TENM2: variants seen among roughly 807,000 people sequenced by gnomAD.
The protein encoded by TENM2 is teneurin transmembrane protein 2, also known as teneurin-2.
In TENM2, 52 loss-of-function variants were observed where a neutral mutation model predicts 245.2. The ratio of observed to expected loss-of-function variants is 0.21; its 90% CI spans 0.17 to 0.27. The LOEUF is 0.27. Among genes scored for constraint, TENM2 ranks in the 10% least tolerant of loss-of-function variants. TENM2 has a pLI of 1.00. For synonymous variants in TENM2, 1,363 were observed against 1,438.9 expected (o/e 0.95, Z 1.19); for missense variants, 3,046 against 3,666.8 (o/e 0.83, Z 4.37).
chr5:167,188,094 A>G, the TENM2 span, among the ~76,000 whole-genome samples: 71 of 152,224 alleles, frequency 4.7e-4, no homozygotes, highest in African/African-American at 1.6e-3. Flanking sequence ...TAATTTATTC[A>G]TCCCAGCTCT....
At chr5:167,503,218 T>C (rs1252663250) in intron 2 of TENM2, among the ~76,000 whole-genome samples, 1 of 152,138 alleles carries the variant, frequency 6.6e-6, no homozygotes, top group Non-Finnish European at 1.5e-5. Flanking sequence ...TAATTCACTA[T>C]CCCACAATGC....
intron 2 of TENM2, among the ~76,000 whole-genome samples, chr5:167,419,098 T>TAC (rs986542720): frequency 6.6e-6 from 1 of 151,260 alleles, no homozygotes; most frequent in Non-Finnish European, 1.5e-5. Context: ...TATATGTATA[T>TAC]ACACACACAC....
In TENM2 at chr5:167,961,062, A is replaced by G. The variant is rs149943673; in HGVS notation, c.947+8240A>G. Among the ~76,000 whole-genome samples, 533 of 152,322 alleles carry G rather than the reference A, an allele frequency of 3.5e-3. 2 individuals carry two copies. Among genetic ancestry groups the G allele is most frequent in the African/African-American group, 0.011 (444 of 41,566 alleles). ...TAACCAGTCCTAGTGAGATGAGCCT[A>G]GTACTTCAGTTAGAAATGCAGAAAT... On this transcript the variant is annotated intron_variant, in intron 4 of 28. Transcript: ENST00000518659.
At chr5:167,733,086 T>C (rs1760550429) in intron 2 of TENM2, among the ~76,000 whole-genome samples, 2 of 150,920 alleles carry the variant, frequency 1.3e-5, no homozygotes. Flanking sequence ...CAGGAGCATC[T>C]CCTCAATAGG....
chr5:167,385,522 C>A (rs1235808714), intron 2 of TENM2, among the ~76,000 whole-genome samples: 1 of 144,202 alleles, frequency 6.9e-6, no homozygotes, highest in Non-Finnish European at 1.5e-5. Flanking sequence ...TTTTTTACTT[C>A]CATAGGTTAT....
At chr5:167,466,989 C>CT (rs1766700210) in intron 2 of TENM2, among the ~76,000 whole-genome samples, 1 of 152,044 alleles carries the variant, frequency 6.6e-6, no homozygotes, top group Non-Finnish European at 1.5e-5. Context: ...CATAAGTTGC[C>CT]CAGCCAAATT....
chr5:167,429,037 G>GT (rs934396142), intron 2 of TENM2, among the ~76,000 whole-genome samples: 10 of 151,974 alleles, frequency 6.6e-5, no homozygotes, highest in South Asian at 6.2e-4. Flanking sequence ...ATACACGTGT[G>GT]TTTTTTTCTC....
intron 7 of TENM2, among the ~76,000 whole-genome samples, chr5:168,083,925 G>A (rs111845001): frequency 8.6e-5 from 13 of 151,888 alleles, no homozygotes; most frequent in East Asian, 3.9e-4. Context: ...CTCCCTCTCC[G>A]CCCTCTCTAA....
intron 2 of TENM2, among the ~76,000 whole-genome samples, chr5:167,803,198 C>G (rs1472326229): frequency 1.3e-5 from 2 of 152,136 alleles, no homozygotes; most frequent in African/African-American, 4.8e-5. Context: ...TCTTATATGG[C>G]CATTTACACG....
intron 2 of TENM2, among the ~76,000 whole-genome samples, chr5:167,797,492 A>T (rs1765402435): frequency 6.6e-6 from 1 of 152,208 alleles, no homozygotes; most frequent in Non-Finnish European, 1.5e-5. Context: ...TGGAAGATAG[A>T]TGCTCATTTT....
At position 167,743,167 on chromosome 5, in the gene TENM2, G is replaced by T. The variant is rs1014777261; in HGVS notation, c.503-132819G>T. Among the ~76,000 whole-genome samples, 12 of 152,260 alleles carry T rather than the reference G, an allele frequency of 7.9e-5. No individual in the cohort carries two copies. The East Asian group carries it at 2.1e-3, about 27-fold the overall frequency. On this transcript the variant is annotated intron_variant, in intron 2 of 28. Transcript: ENST00000518659. ...CTACACTTACTGGAGAGCAGCTGAG[G>T]CTAGAGTGTAAAAGTCCAATAGTTG...
At chr5:167,118,219 T>C in the TENM2 span, among the ~76,000 whole-genome samples, 7 of 152,190 alleles carry the variant, frequency 4.6e-5, no homozygotes, top group African/African-American at 1.7e-4. Context: ...AGATTAAAAA[T>C]GAAGTTTCTC....
the TENM2 span, among the ~76,000 whole-genome samples, chr5:167,112,570 A>G: frequency 1.6e-4 from 24 of 152,364 alleles, no homozygotes; most frequent in Middle Eastern, 3.4e-3. Flanking sequence ...AGTATTTGAT[A>G]TTTCACATTA....
chr5:167,175,217 T>C, the TENM2 span, among the ~76,000 whole-genome samples: 2 of 152,212 alleles, frequency 1.3e-5, no homozygotes, highest in Non-Finnish European at 2.9e-5. Context: ...ATTTTAAATA[T>C]TTTTGTCTGT....
intron 2 of TENM2, among the ~76,000 whole-genome samples, chr5:167,442,141 A>T (rs571677802): frequency 6.6e-6 from 1 of 152,120 alleles, no homozygotes; most frequent in Non-Finnish European, 1.5e-5. Context: ...TCCCCTTTCA[A>T]TGGGAAATTA....
chr5:167,392,111 C>T (rs1761793579), intron 2 of TENM2, among the ~76,000 whole-genome samples: 1 of 151,928 alleles, frequency 6.6e-6, no homozygotes, highest in Admixed American at 6.6e-5. Flanking sequence ...AGTCTTTTTT[C>T]CTTTCCATTA....
At chr5:167,373,967 CT>C (rs1349435355) in intron 1 of TENM2, among the ~76,000 whole-genome samples, 6 of 152,190 alleles carry the variant, frequency 3.9e-5, no homozygotes, top group African/African-American at 1.4e-4. Context: ...TGAGTTCCCC[CT>C]ATAGGTCCCC....
chr5:168,112,315 A>G (rs754195948), intron 9 of TENM2, among the ~76,000 whole-genome samples: 4 of 151,916 alleles, frequency 2.6e-5, no homozygotes, highest in Non-Finnish European at 5.9e-5. Flanking sequence ...AGATTATTCC[A>G]TCACTCAGGT....
the TENM2 span, among the ~76,000 whole-genome samples, chr5:167,093,546 T>C: frequency 6.6e-6 from 1 of 152,220 alleles, no homozygotes; most frequent in Non-Finnish European, 1.5e-5. Flanking sequence ...TTTGGGCTAG[T>C]CGCGACAGCA....
Sources: gnomAD v4.1 joint callset for allele counts (sites outside exome capture counted in the v4.1 genomes callset) on GRCh38, gnomAD v4.1.1 for gene constraint, MANE v1.5 for transcripts, NCBI Gene and HGNC (gene_info 2026-07-23, HGNC 2026-07-21) for gene names.